Variants in DCDC1 observed in about 807,000 individuals in gnomAD.
DCDC1 encodes the protein doublecortin domain-containing protein 1.
DCDC1 carries 200 observed loss-of-function variants against 178.3 expected under a neutral mutation model. The ratio of observed to expected loss-of-function variants is 1.12; its 90% CI spans 1.00 to 1.26. The LOEUF (loss-of-function observed/expected upper bound fraction) is 1.26. DCDC1 is among the 50% of genes most tolerant of loss of function. The probability of loss-of-function intolerance (pLI) is 0.00; values close to 1 mark genes in which losing one functional copy is unlikely to be tolerated. For missense variants in DCDC1, 1,983 were observed against 1,749.2 expected, an observed-to-expected ratio of 1.13 and a Z score of -2.38; for synonymous variants, 690 against 604.8, an observed-to-expected ratio of 1.14 and a Z score of -2.07.
At chr11:30,915,929 T>A (rs1484069874) in intron 26 of DCDC1, among the ~76,000 whole-genome samples, 1 of 152,080 alleles carries the variant, frequency 6.6e-6, no homozygotes, top group African/African-American at 2.4e-5. Context: ...TTTTGTAACA[T>A]AAATAAATGT....
At chr11:31,348,054 T>G (rs578022316) in intron 1 of DCDC1, among the ~76,000 whole-genome samples, 1 of 152,342 alleles carries the variant, frequency 6.6e-6, no homozygotes, top group Admixed American at 6.5e-5. Flanking sequence ...GTAACTTGCT[T>G]ACTATGTATA....
At chr11:31,358,662 T>C (rs2133363997) in intron 1 of DCDC1, among the ~76,000 whole-genome samples, 1 of 152,064 alleles carries the variant, frequency 6.6e-6, no homozygotes, top group Non-Finnish European at 1.5e-5. Context: ...ACCTACAAAA[T>C]GGGACAAAAT....
At chr11:31,281,513 AGC>A (rs1946429320) in intron 7 of DCDC1, among the ~76,000 whole-genome samples, 1 of 152,054 alleles carries the variant, frequency 6.6e-6, no homozygotes, top group Admixed American at 6.6e-5. Flanking sequence ...TACTGAAATG[AGC>A]ATATGGCTTT....
intron 1 of DCDC1, among the ~76,000 whole-genome samples, chr11:31,358,963 G>A (rs951219931): frequency 6.6e-6 from 1 of 152,292 alleles, no homozygotes; most frequent in Admixed American, 6.5e-5. Flanking sequence ...TGGAGAAATA[G>A]GAACACTATT....
chr11:30,908,915 C>T (rs1188133613), intron 29 of DCDC1, 31 bp downstream of exon 29: 14 of 1,540,222 alleles, frequency 9.1e-6, no homozygotes, highest in Middle Eastern at 1.7e-4. Flanking sequence ...CCCTATTTTT[C>T]TTTTATCTTT....
intron 15 of DCDC1, among the ~76,000 whole-genome samples, chr11:31,101,947 C>T (rs576339492): frequency 1.3e-5 from 2 of 152,034 alleles, no homozygotes; most frequent in African/African-American, 4.8e-5. Flanking sequence ...CATGGTGGCG[C>T]GTGCCTGTAG....
intron 36 of DCDC1, among the ~76,000 whole-genome samples, chr11:30,889,155 A>C (rs1259208622): frequency 6.6e-6 from 1 of 152,220 alleles, no homozygotes; most frequent in Non-Finnish European, 1.5e-5. Flanking sequence ...GGACCATAGA[A>C]GGAGGGGCAC....
At chr11:31,075,093 T>A (rs1292069026) in intron 18 of DCDC1, among the ~76,000 whole-genome samples, 2 of 152,184 alleles carry the variant, frequency 1.3e-5, no homozygotes, top group Non-Finnish European at 2.9e-5. Context: ...TTCTACACTC[T>A]ATGTCCATGT....
chr11:30,888,131 A>G (rs1488695527), intron 36 of DCDC1, among the ~76,000 whole-genome samples: 7 of 139,992 alleles, frequency 5.0e-5, no homozygotes, highest in African/African-American at 1.9e-4. Context: ...AGAAAGAAAG[A>G]AAGAAAGAAA....
intron 20 of DCDC1, among the ~76,000 whole-genome samples, chr11:31,041,054 T>C (rs568933731): frequency 6.6e-6 from 1 of 152,362 alleles, no homozygotes; most frequent in African/African-American, 2.4e-5. Flanking sequence ...TAAGGGTATT[T>C]ATGCTTATAA....
At chr11:31,092,359 T>C (rs1957869044) in intron 16 of DCDC1, among the ~76,000 whole-genome samples, 2 of 152,238 alleles carry the variant, frequency 1.3e-5, no homozygotes, top group African/African-American at 4.8e-5. Context: ...AAATCCTTGT[T>C]TGATCATGCT....
At chr11:31,096,427 T>G (rs1053891262) in intron 15 of DCDC1, among the ~76,000 whole-genome samples, 4 of 152,178 alleles carry the variant, frequency 2.6e-5, no homozygotes, top group African/African-American at 9.7e-5. Flanking sequence ...TGACTGAAAT[T>G]AGTCAGACAG....
chr11:30,916,876 T>C lies in DCDC1; in HGVS notation c.3446A>G (p.Lys1149Arg). The C allele has an allele frequency of 6.2e-7, 1 of 1,601,994 alleles. No individual in the cohort carries two copies. Among genetic ancestry groups the C allele is most frequent in the Non-Finnish European group, 8.5e-7 (1 of 1,175,386 alleles). ...ATCCTTTGCAACTTTTTACCTGTGT[T>C]TCTTCTGTGGTTCCACATTTTCAAA... is the stretch of plus-strand genomic sequence containing the variant. The part of the protein sequence containing the change: ...GLFENVEPQK[K>R]HSCSPKHSKL... The change falls in exon 26 of 39, where the codon AAA becomes AGA. Residue 1149 changes from lysine (K) to arginine (R), a missense_variant. Transcript: ENST00000684477.
chr11:31,275,457 C>T (rs1442530642), intron 7 of DCDC1, among the ~76,000 whole-genome samples: 2 of 152,098 alleles, frequency 1.3e-5, no homozygotes, highest in African/African-American at 4.8e-5. Flanking sequence ...TCCCTTTTGA[C>T]TCAAGGAAGA....
At position 31,047,495 on chromosome 11, in the gene DCDC1, T is replaced by A. The variant is rs116972323; in HGVS notation, c.2591+16974A>T. Among the ~76,000 whole-genome samples the A allele has an allele frequency of 7.2e-3, 1,096 of 152,286 alleles. 5 individuals carry two copies. The highest frequency in any genetic ancestry group is 9.8e-3 in the Non-Finnish European group (668 of 67,998). On this transcript the variant is annotated intron_variant, in intron 20 of 38. Coordinates refer to ENST00000684477, the MANE Select transcript of DCDC1 (RefSeq NM_001387274.1). ...GATAAACATGCATAAAGAGAAACAA[T>A]AAAAGTCATTAAAGTTTTTAACCTT... is the stretch of plus-strand genomic sequence containing the variant.
At chr11:31,181,064 T>C (rs555555727) in intron 9 of DCDC1, among the ~76,000 whole-genome samples, 1 of 152,158 alleles carries the variant, frequency 6.6e-6, no homozygotes, top group Non-Finnish European at 1.5e-5. Context: ...CTTGAGTAGG[T>C]GGTTTTCCCC....
intron 11 of DCDC1, among the ~76,000 whole-genome samples, chr11:31,121,835 C>T (rs573284530): frequency 2.3e-4 from 35 of 152,036 alleles, no homozygotes; most frequent in Admixed American, 6.6e-4. Context: ...TATTTTTTGT[C>T]AAATACTTTC....
chr11:31,218,636 GA>G (rs981750193), intron 9 of DCDC1, among the ~76,000 whole-genome samples: 30 of 151,854 alleles, frequency 2.0e-4, no homozygotes, highest in Middle Eastern at 3.4e-3. Flanking sequence ...TTTTATAAAA[GA>G]AAAAAAGGGT....
At chr11:31,305,853 C>CTAATGATCAAAATAGATCAAAA in intron 5 of DCDC1, 76 bp from the exon 6 acceptor site, 1 of 1,506,492 alleles carries the variant, frequency 6.6e-7, no homozygotes, top group African/African-American at 1.4e-5. Flanking sequence ...ACAAAAGGTT[C>CTAATGATCAAAATAGATCAAAA]TAATGATCAA....
Sources: allele counts gnomAD v4.1 joint callset (sites outside exome capture counted in the v4.1 genomes callset), GRCh38; gene constraint gnomAD v4.1.1; transcripts MANE v1.5; gene names NCBI Gene and HGNC (gene_info 2026-07-23, HGNC 2026-07-21).